Variants in RAI1 observed in about 807,000 individuals in gnomAD.
The protein encoded by RAI1 is retinoic acid induced 1.
In RAI1, 9 loss-of-function variants were observed where a neutral mutation model predicts 123.8. That is an observed-to-expected ratio of 0.07 (90% CI 0.04 to 0.13). The LOEUF (loss-of-function observed/expected upper bound fraction) is 0.13, where lower values mean the gene tolerates loss of function less well. RAI1 is among the 10% of genes least tolerant of loss of function. The pLI, the probability that RAI1 is intolerant of heterozygous loss-of-function variation, is 1.00. For missense variants in RAI1, 2,256 were observed against 2,545.8 expected (o/e 0.89, Z 2.45); for synonymous variants, 1,231 against 1,127.3 (o/e 1.09, Z -1.84).
Position 17,795,138 on chromosome 17 carries a change from G to C in RAI1, c.2190G>C (p.Pro730=), listed in dbSNP as rs141039036. 6.5e-5 allele frequency: 105 copies of C among 1,613,892 alleles called. No individual in the cohort carries two copies. In the African/African-American group the frequency reaches 1.3e-3, roughly 20 times the overall value. ...CTACAGCAGCTTTTGACTGTTTCCC[G>C]GACACAACCGCTGCCAGCTCAGCGG... The part of the protein sequence containing the change: ...DPTTAAFDCF[P]DTTAASSADS... The change falls in exon 3 of 6, where the codon CCG becomes CCC. Residue 730 remains proline, a synonymous_variant. Coordinates refer to ENST00000353383, the MANE Select transcript of RAI1 (RefSeq NM_030665.4). This position sits in a 1 kb window ranked among gnomAD's most constrained non-coding sequence, Gnocchi z 5.9.
chr17:17,696,260 G>A (rs759304157), intron 1 of RAI1, among the ~76,000 whole-genome samples: 9 of 151,982 alleles, frequency 5.9e-5, no homozygotes, highest in Non-Finnish European at 1.2e-4. Flanking sequence ...GTTTTGTAAG[G>A]CACTTGGTGG....
At chr17:17,706,400 A>C (rs1057460049) in intron 1 of RAI1, among the ~76,000 whole-genome samples, 14 of 152,200 alleles carry the variant, frequency 9.2e-5, no homozygotes, top group Non-Finnish European at 7.4e-5. Context: ...GGGCATGCAT[A>C]GGTGAAACAA....
At position 17,796,825 on chromosome 17, in the gene RAI1, C is replaced by T. The variant is rs1206396973; in HGVS notation, c.3877C>T (p.Pro1293Ser). 5 of 1,610,720 alleles carry T rather than the reference C, an allele frequency of 3.1e-6. No individual in the cohort carries two copies. Among genetic ancestry groups the T allele is most frequent in the Non-Finnish European group, 4.2e-6 (5 of 1,178,192 alleles). Residue 1293 changes from proline to serine, a missense_variant, in exon 3 of 6, where the codon CCA (proline) becomes TCA (serine). This residue lies in a region of RAI1 where 322 missense variants were observed against 358.0 expected (regional missense o/e 0.90). Transcript: ENST00000353383. This position sits in a 1 kb window ranked among gnomAD's most constrained non-coding sequence, Gnocchi z 5.8. Reference sequence around the variant, plus strand: ...CAATGGCGAGCCTGCCACAAAGCTCCCACCCCCGGAGACCCCCGATGCCTG... The same window carrying T: ...CAATGGCGAGCCTGCCACAAAGCTCTCACCCCCGGAGACCCCCGATGCCTG... The part of the protein sequence containing the change: ...KGNGEPATKL[P>S]PPETPDACLK...
intron 1 of RAI1, among the ~76,000 whole-genome samples, chr17:17,707,067 C>T (rs1038827290): frequency 5.3e-5 from 8 of 152,156 alleles, no homozygotes; most frequent in African/African-American, 1.4e-4. Flanking sequence ...CTAAGCTACT[C>T]AGGAGGCTGA....
intron 2 of RAI1, among the ~76,000 whole-genome samples, chr17:17,743,066 A>T (rs1916697078): frequency 6.6e-6 from 1 of 152,166 alleles, no homozygotes; most frequent in Non-Finnish European, 1.5e-5. Context: ...ACAGCTCACC[A>T]TAGCCTCAAC....
chr17:17,805,421 T>A (rs2032576879), intron 4 of RAI1, among the ~76,000 whole-genome samples: 1 of 151,950 alleles, frequency 6.6e-6, no homozygotes, highest in Non-Finnish European at 1.5e-5. Context: ...CCTCAATCCC[T>A]CCCAACTCTG....
chr17:17,741,529 T>C (rs1159627340), intron 2 of RAI1, among the ~76,000 whole-genome samples: 1 of 152,234 alleles, frequency 6.6e-6, no homozygotes, highest in East Asian at 1.9e-4. Flanking sequence ...AGTGCGGGAC[T>C]CGTCCTCGGC....
Position 17,809,312 on chromosome 17 carries a change from C to T in RAI1, c.5660-78C>T. ...GAGCCTCGCGGGCAGTGCGGCTCCCCTCCTGGCTGCAGACAAAACCCCACA... is the reference window on the plus strand; with the variant it reads ...GAGCCTCGCGGGCAGTGCGGCTCCCTTCCTGGCTGCAGACAAAACCCCACA... On this transcript the variant is annotated intron_variant, in intron 4 of 5. Coordinates refer to ENST00000353383, the MANE Select transcript of RAI1 (RefSeq NM_030665.4). This position sits in a 1 kb window ranked among gnomAD's most constrained non-coding sequence, Gnocchi z 4.9. 7.5e-7 allele frequency: 1 copy of T among 1,328,970 alleles called. No homozygotes were observed. Among genetic ancestry groups the T allele is most frequent in the Non-Finnish European group, 1.1e-6 (1 of 921,152 alleles). The allele number at this position is 1,328,970 out of a possible 1,614,324, so 82.3% of individuals were successfully genotyped here. A position where few individuals can be genotyped will look rare whatever the true frequency, so the allele number is the denominator to read the frequency against.
intron 2 of RAI1, among the ~76,000 whole-genome samples, chr17:17,752,421 C>A (rs962758975): frequency 6.6e-6 from 1 of 151,806 alleles, no homozygotes; most frequent in Non-Finnish European, 1.5e-5. Flanking sequence ...GCGCGCGCTG[C>A]CTGTGATTAA....
intron 2 of RAI1, among the ~76,000 whole-genome samples, chr17:17,750,355 G>A (rs1333063781): frequency 6.6e-6 from 1 of 152,162 alleles, no homozygotes; most frequent in South Asian, 2.1e-4. Context: ...CTACAGGAGG[G>A]TATTATAATT....
chr17:17,798,854 G>A (rs1403905178), intron 3 of RAI1, among the ~76,000 whole-genome samples: 1 of 152,204 alleles, frequency 6.6e-6, no homozygotes, highest in Non-Finnish European at 1.5e-5. Context: ...GAGATGCCAA[G>A]GCCCAGAGAA....
intron 2 of RAI1, among the ~76,000 whole-genome samples, chr17:17,745,282 G>A (rs1346852072): frequency 6.6e-6 from 1 of 151,724 alleles, no homozygotes; most frequent in Non-Finnish European, 1.5e-5. Flanking sequence ...TGCTGACTTT[G>A]GAGTCCCTGT....
intron 2 of RAI1, among the ~76,000 whole-genome samples, chr17:17,788,901 C>CT (rs2031921997): frequency 6.6e-6 from 1 of 152,216 alleles, no homozygotes; most frequent in African/African-American, 2.4e-5. Context: ...GGCTTTAGGC[C>CT]TAGTGACCTC....
At chr17:17,802,333 T>C (rs571714787) in intron 3 of RAI1, among the ~76,000 whole-genome samples, 1 of 152,318 alleles carries the variant, frequency 6.6e-6, no homozygotes, top group East Asian at 1.9e-4. Flanking sequence ...TCATCCTAGG[T>C]AGAACAGTCC....
At chr17:17,798,823 C>T (rs751259816) in intron 3 of RAI1, among the ~76,000 whole-genome samples, 2 of 152,216 alleles carry the variant, frequency 1.3e-5, no homozygotes, top group Non-Finnish European at 2.9e-5. Context: ...ATCCACTGGG[C>T]CCCTCCCCAT....
At chr17:17,721,190 C>T (rs1329212349) in intron 1 of RAI1, among the ~76,000 whole-genome samples, 2 of 152,176 alleles carry the variant, frequency 1.3e-5, no homozygotes, top group African/African-American at 2.4e-5. Context: ...CCATTTTATC[C>T]AGGGGAACTG....
At chr17:17,700,831 C>G (rs1915198511) in intron 1 of RAI1, among the ~76,000 whole-genome samples, 1 of 152,208 alleles carries the variant, frequency 6.6e-6, no homozygotes, top group African/African-American at 2.4e-5. Flanking sequence ...GCGCCGTCCC[C>G]CGGCCATCTT....
intron 2 of RAI1, among the ~76,000 whole-genome samples, chr17:17,787,952 G>A (rs902791168): frequency 2.0e-5 from 3 of 152,146 alleles, no homozygotes; most frequent in African/African-American, 7.2e-5. Flanking sequence ...GGAGAGTCCA[G>A]ATACCTCTGC....
intron 2 of RAI1, among the ~76,000 whole-genome samples, chr17:17,783,583 C>T (rs1271104771): frequency 6.6e-6 from 1 of 152,182 alleles, no homozygotes; most frequent in Admixed American, 6.5e-5. Flanking sequence ...TGCGCTGCTC[C>T]CCGTCCCCCT....
Sources: allele counts gnomAD v4.1 joint callset (sites outside exome capture counted in the v4.1 genomes callset), GRCh38; gene constraint gnomAD v4.1.1; regional missense constraint gnomAD v4.1.1; non-coding constraint Gnocchi (gnomAD v3.1); transcripts MANE v1.5; gene names NCBI Gene and HGNC (gene_info 2026-07-23, HGNC 2026-07-21).